The following LRRIQ1 variants were observed in gnomAD, a reference collection of about 807,000 sequenced individuals.
LRRIQ1 encodes the protein leucine-rich repeat- and IQ domain-containing protein 1.
Under a neutral mutation model 211.9 loss-of-function variants are expected in LRRIQ1, and 210 were observed. The ratio of observed to expected loss-of-function variants is 0.99; its 90% confidence interval spans 0.89 to 1.11. The LOEUF (loss-of-function observed/expected upper bound fraction) is 1.11, where lower values mean the gene tolerates loss of function less well. Among genes scored for constraint, LRRIQ1 ranks in the 50% most tolerant of loss-of-function variants. The pLI is 0.00. For synonymous variants in LRRIQ1, 699 were observed against 650.1 expected (o/e 1.08, Z -1.14); for missense variants, 2,136 against 1,939.5 (o/e 1.10, Z -1.90).
intron 24 of LRRIQ1, among the ~76,000 whole-genome samples, chr12:85,181,682 A>G (rs1176958866): frequency 6.6e-6 from 1 of 152,040 alleles, no homozygotes; most frequent in African/African-American, 2.4e-5. Context: ...TTTGAATGAC[A>G]CACTTATGTT....
chr12:85,172,800 T>C (rs1565883448), intron 24 of LRRIQ1, among the ~76,000 whole-genome samples: 2 of 152,096 alleles, frequency 1.3e-5, no homozygotes, highest in Admixed American at 6.6e-5. Context: ...TGATATGAGA[T>C]GAAGTGGGCA....
chr12:85,206,811 A>G (rs1427596426), intron 24 of LRRIQ1, among the ~76,000 whole-genome samples: 1 of 151,972 alleles, frequency 6.6e-6, no homozygotes, highest in African/African-American at 2.4e-5. Flanking sequence ...GCCCCAGGGG[A>G]GGCCGGCAGA....
Position 85,165,812 on chromosome 12 carries a change from A to G in LRRIQ1, c.4822+5098A>G, listed in dbSNP as rs571056470. ...GGCTCCATAGTATTCCATGGTATAT[A>G]TGTTCCACATTTTCTTTATCCAAAC... On this transcript the variant is annotated intron_variant, in intron 24 of 26. Coordinates refer to ENST00000393217, the MANE Select transcript of LRRIQ1 (RefSeq NM_001079910.2). Among the ~76,000 whole-genome samples the G allele has an allele frequency of 5.3e-5, 8 of 152,128 alleles. No individual in the cohort carries two copies. The South Asian group carries it at 1.5e-3, about 28-fold the overall frequency.
intron 11 of LRRIQ1, among the ~76,000 whole-genome samples, chr12:85,079,991 GT>G (rs1884099390): frequency 6.6e-6 from 1 of 151,748 alleles, no homozygotes. Flanking sequence ...ATATCTATTA[GT>G]ATTTCCTTTA....
At chr12:85,212,918 CTA>C (rs1367815657) in intron 24 of LRRIQ1, among the ~76,000 whole-genome samples, 1 of 150,558 alleles carries the variant, frequency 6.6e-6, no homozygotes, top group Non-Finnish European at 1.5e-5. Flanking sequence ...AAGAAGTACT[CTA>C]TCGAATATGG....
In LRRIQ1 at chr12:85,055,897, G is replaced by T. The variant is rs1297314930; in HGVS notation, c.1104G>T (p.Lys368Asn). Reference protein sequence around the residue: ...KRREKEYEEKKNIVKQEREQL... With the variant: ...KRREKEYEEKNNIVKQEREQL... ...GAGAAAAAGAATATGAAGAAAAAAA[G>T]AATATTGTGAAACAGGAAAGAGAGC... Residue 368 changes from lysine (K) to asparagine (N), a missense_variant, in exon 8 of 27, where the codon AAG becomes AAT. Lys to Asn is a moderately conservative substitution (Grantham distance 94). Coordinates refer to ENST00000393217, the MANE Select transcript of LRRIQ1 (RefSeq NM_001079910.2). 1 of 1,595,354 alleles carries T rather than the reference G, an allele frequency of 6.3e-7. No individual in the cohort carries two copies. Among genetic ancestry groups the T allele is most frequent in the Non-Finnish European group, 8.5e-7 (1 of 1,174,886 alleles).
At chr12:85,038,345 G>A (rs1369653463) in intron 2 of LRRIQ1, 37 bp downstream of exon 2, 2 of 1,391,240 alleles carry the variant, frequency 1.4e-6, no homozygotes, top group Non-Finnish European at 1.9e-6. Context: ...AACAGGAGTA[G>A]GCTTTTCAGG....
At chr12:85,176,524 T>C (rs1464603574) in intron 24 of LRRIQ1, among the ~76,000 whole-genome samples, 2 of 138,568 alleles carry the variant, frequency 1.4e-5, no homozygotes, top group Non-Finnish European at 3.0e-5. Flanking sequence ...TTCTCACTCA[T>C]AGGTGGGAAT....
At chr12:85,242,621 A>AT (rs1895516014) in intron 26 of LRRIQ1, among the ~76,000 whole-genome samples, 1 of 151,834 alleles carries the variant, frequency 6.6e-6, no homozygotes, top group Admixed American at 6.6e-5. Context: ...CCATTTCTCT[A>AT]TTTTTTAACA....
intron 19 of LRRIQ1, among the ~76,000 whole-genome samples, chr12:85,148,138 A>C (rs1438976051): frequency 6.6e-6 from 1 of 151,854 alleles, no homozygotes; most frequent in Non-Finnish European, 1.5e-5. Flanking sequence ...TAATTTAAAG[A>C]ATATCTGAAC....
In LRRIQ1 at chr12:85,131,670, A is replaced by G. The variant is rs1176401502; in HGVS notation, c.4209+3637A>G. On this transcript the variant is annotated intron_variant, in intron 18 of 26. Transcript: ENST00000393217. ...CCATAAGAACTAGAATCTTAAGAGA[A>G]TGTAGGGGTAACATGGTGAGAGATG... Among the ~76,000 whole-genome samples the G allele has an allele frequency of 2.6e-5, 4 of 152,124 alleles. No individual in the cohort carries two copies. The East Asian group carries it at 5.8e-4, about 22-fold the overall frequency.
intron 24 of LRRIQ1, among the ~76,000 whole-genome samples, chr12:85,216,468 T>G (rs1332399203): frequency 6.6e-6 from 1 of 151,132 alleles, no homozygotes; most frequent in Non-Finnish European, 1.5e-5. Flanking sequence ...TGAAATTTCA[T>G]TTATATAATT....
At position 85,231,241 on chromosome 12, in the gene LRRIQ1, C is replaced by G. The variant is rs1477666010; in HGVS notation, c.4956-1455C>G. Among the ~76,000 whole-genome samples, 4 of 151,818 alleles carry G rather than the reference C, an allele frequency of 2.6e-5. No individual in the cohort carries two copies. The East Asian group carries it at 7.7e-4, about 29-fold the overall frequency. ...ATCTCGTTTAATAATATATATAAAC[C>G]TAACTTTAATATGTGATCAATTATA... On this transcript the variant is annotated intron_variant, in intron 25 of 26. Coordinates refer to ENST00000393217, the MANE Select transcript of LRRIQ1 (RefSeq NM_001079910.2).
intron 18 of LRRIQ1, among the ~76,000 whole-genome samples, chr12:85,132,877 T>C (rs1373994162): frequency 6.6e-6 from 1 of 152,064 alleles, no homozygotes; most frequent in Non-Finnish European, 1.5e-5. Context: ...GTAGCTTGCA[T>C]GCACTAGTCA....
intron 11 of LRRIQ1, among the ~76,000 whole-genome samples, chr12:85,091,741 T>G (rs910201515): frequency 6.6e-6 from 1 of 152,198 alleles, no homozygotes; most frequent in Non-Finnish European, 1.5e-5. Flanking sequence ...CAGCACCATT[T>G]ATTGAATAGG....
chr12:85,257,104 A>AAT (rs1233476814), intron 1 of LRRIQ1, among the ~76,000 whole-genome samples: 2 of 69,334 alleles, frequency 2.9e-5, no homozygotes, highest in South Asian at 4.5e-4. Context: ...TAATTATATA[A>AAT]ATATATATAA....
At chr12:85,104,444 C>T (rs1886627900) in intron 14 of LRRIQ1, among the ~76,000 whole-genome samples, 1 of 151,738 alleles carries the variant, frequency 6.6e-6, no homozygotes, top group African/African-American at 2.4e-5. Context: ...TCCTTCCTTT[C>T]TTCAAAATTT....
chr12:85,109,183 C>G (rs1302772588), intron 15 of LRRIQ1, among the ~76,000 whole-genome samples: 2 of 152,090 alleles, frequency 1.3e-5, no homozygotes, highest in Non-Finnish European at 2.9e-5. Flanking sequence ...GTAGAACAAG[C>G]TATTAGAGTC....
downstream of LRRIQ1, among the ~76,000 whole-genome samples, chr12:85,267,873 T>C (rs1896456934): frequency 6.6e-6 from 1 of 152,022 alleles, no homozygotes; most frequent in Non-Finnish European, 1.5e-5. Flanking sequence ...GATGGGCATC[T>C]TGAACAAGTG....
Sources: allele counts gnomAD v4.1 joint callset (sites outside exome capture counted in the v4.1 genomes callset), GRCh38; gene constraint gnomAD v4.1.1; transcripts MANE v1.5; gene names NCBI Gene and HGNC (gene_info 2026-07-23, HGNC 2026-07-21).